RASAL2: variants seen among roughly 807,000 people sequenced by gnomAD.
RASAL2 encodes RAS protein activator like 2, also known as ras GTPase-activating protein nGAP.
RASAL2 carries 58 observed loss-of-function variants against 128.9 expected under a neutral mutation model. The ratio of observed to expected loss-of-function variants is 0.45; its 90% CI spans 0.36 to 0.56. The LOEUF (loss-of-function observed/expected upper bound fraction) is 0.56. RASAL2 is among the 20% of genes least tolerant of loss of function. RASAL2 has a pLI of 0.00. For synonymous variants in RASAL2, 561 were observed against 580.8 expected (o/e 0.97, Z 0.49); for missense variants, 1,360 against 1,601.6 (o/e 0.85, Z 2.57).
At chr1:178,405,978 A>G (rs1326712817) in intron 4 of RASAL2, among the ~76,000 whole-genome samples, 1 of 152,164 alleles carries the variant, frequency 6.6e-6, no homozygotes, top group Non-Finnish European at 1.5e-5. Context: ...ATTACTTCAT[A>G]TCTAGAGGAA....
intron 4 of RASAL2, among the ~76,000 whole-genome samples, chr1:178,391,375 G>A (rs1672897096): frequency 6.6e-6 from 1 of 152,108 alleles, no homozygotes; most frequent in Non-Finnish European, 1.5e-5. Flanking sequence ...GAAGATATGT[G>A]ATGTTTATAA....
At chr1:178,151,503 T>TA (rs1660914250) in intron 1 of RASAL2, among the ~76,000 whole-genome samples, 1 of 152,244 alleles carries the variant, frequency 6.6e-6, no homozygotes, top group African/African-American at 2.4e-5. Context: ...ACCAGAGGCT[T>TA]ACAGGAACCT....
intron 1 of RASAL2, among the ~76,000 whole-genome samples, chr1:178,173,963 C>T (rs1456515180): frequency 6.6e-6 from 1 of 151,520 alleles, no homozygotes; most frequent in Non-Finnish European, 1.5e-5. Context: ...TTCCCCCCTC[C>T]CCACTATTAG....
intron 1 of RASAL2, among the ~76,000 whole-genome samples, chr1:178,168,521 C>T (rs1034608602): frequency 6.6e-6 from 1 of 151,944 alleles, no homozygotes; most frequent in Admixed American, 6.6e-5. Context: ...TATGAGGGCA[C>T]TGCTGTTTTG....
chr1:178,310,105 G>A (rs1668169822), intron 3 of RASAL2, among the ~76,000 whole-genome samples: 1 of 152,126 alleles, frequency 6.6e-6, no homozygotes, highest in East Asian at 1.9e-4. Flanking sequence ...GACATTGTTA[G>A]AAATATCTAG....
rs147266072 is a variant in RASAL2 at position 178,191,819 on chromosome 1, A to G, written c.203-91745A>G. 2.0e-5 allele frequency among the ~76,000 whole-genome samples: 3 copies of G among 152,322 alleles called. No homozygotes were observed. In the East Asian group the frequency reaches 5.8e-4, roughly 29 times the overall value. On this transcript the variant is annotated intron_variant, in intron 1 of 17. Coordinates refer to ENST00000367649, the MANE Select transcript of RASAL2 (RefSeq NM_170692.4). ...TTTGTGGCACACAGACAATAAGTAA[A>G]TGTTTATTTAATGAATGAAATAAAA...
intron 1 of RASAL2, among the ~76,000 whole-genome samples, chr1:178,223,138 A>G (rs1312620099): frequency 6.6e-6 from 1 of 152,204 alleles, no homozygotes; most frequent in African/African-American, 2.4e-5. Flanking sequence ...TAATTAATTC[A>G]ACAAATATTT....
intron 3 of RASAL2, among the ~76,000 whole-genome samples, chr1:178,340,913 A>G (rs1455692784): frequency 1.3e-5 from 2 of 151,876 alleles, no homozygotes; most frequent in Non-Finnish European, 2.9e-5. Flanking sequence ...ACTTTTAAAA[A>G]ATGAAGTTCT....
At chr1:178,205,712 G>A (rs954078138) in intron 1 of RASAL2, among the ~76,000 whole-genome samples, 8 of 151,838 alleles carry the variant, frequency 5.3e-5, no homozygotes, top group Non-Finnish European at 1.2e-4. Flanking sequence ...AGCTGAGATC[G>A]CGCCACTGCA....
At chr1:178,450,623 CTGTTAT>C (rs1160906232) in intron 9 of RASAL2, among the ~76,000 whole-genome samples, 3 of 152,118 alleles carry the variant, frequency 2.0e-5, no homozygotes, top group African/African-American at 7.2e-5. Context: ...TTCATGAAGT[CTGTTAT>C]AACTAGCCTG....
Position 178,372,967 on chromosome 1 carries a change from TG to T in RASAL2, c.458-17132del, listed in dbSNP as rs1490271518. ...ATATCTTAAATGTGATAGAAGAGCT[TG>T]ATACTCATTTAAAAACCTATTTGTG... On this transcript the variant is annotated intron_variant, in intron 3 of 17. Transcript: ENST00000367649. Among the ~76,000 whole-genome samples the T allele has an allele frequency of 6.1e-4, 93 of 152,268 alleles. 1 individual carries two copies. Among genetic ancestry groups the T allele is most frequent in the Non-Finnish European group, 3.4e-4 (23 of 67,994 alleles).
chr1:178,116,594 A>G (rs1245680530), intron 1 of RASAL2, among the ~76,000 whole-genome samples: 1 of 151,922 alleles, frequency 6.6e-6, no homozygotes, highest in African/African-American at 2.4e-5. Context: ...AAGTTTCTTA[A>G]TAGATTGTTA....
chr1:178,192,321 A>G (rs1303829224), intron 1 of RASAL2, among the ~76,000 whole-genome samples: 3 of 152,236 alleles, frequency 2.0e-5, no homozygotes, highest in African/African-American at 7.2e-5. Context: ...CTTGGAGAGT[A>G]CAAAGAGAAA....
At chr1:178,431,763 A>G (rs890983136) in intron 5 of RASAL2, among the ~76,000 whole-genome samples, 1 of 151,896 alleles carries the variant, frequency 6.6e-6, no homozygotes, top group African/African-American at 2.4e-5. Context: ...GTAGGTTCCA[A>G]TATGGATAGA....
intron 3 of RASAL2, among the ~76,000 whole-genome samples, chr1:178,384,895 ATAGT>A (rs1455185668): frequency 6.6e-6 from 1 of 152,116 alleles, no homozygotes; most frequent in Non-Finnish European, 1.5e-5. Flanking sequence ...GTTATTTATA[ATAGT>A]TAAGTATATG....
chr1:178,161,886 A>C (rs1661312820), intron 1 of RASAL2, among the ~76,000 whole-genome samples: 1 of 152,032 alleles, frequency 6.6e-6, no homozygotes, highest in Non-Finnish European at 1.5e-5. Flanking sequence ...TCTTTGAAGA[A>C]ATGTCTATTC....
At chr1:178,250,545 G>A (rs746556059) in intron 1 of RASAL2, among the ~76,000 whole-genome samples, 1 of 152,160 alleles carries the variant, frequency 6.6e-6, no homozygotes, top group Non-Finnish European at 1.5e-5. Context: ...GAGACCACTT[G>A]GCTCCCTGGC....
intron 17 of RASAL2, among the ~76,000 whole-genome samples, chr1:178,471,112 A>T (rs1463960456): frequency 2.0e-5 from 3 of 152,180 alleles, no homozygotes; most frequent in Non-Finnish European, 4.4e-5. Flanking sequence ...CCCTTTAAAA[A>T]TCAAATTTTT....
chr1:178,164,645 A>G (rs1169158657), intron 1 of RASAL2, among the ~76,000 whole-genome samples: 1 of 152,080 alleles, frequency 6.6e-6, no homozygotes, highest in Non-Finnish European at 1.5e-5. Context: ...TAAAGAAGGC[A>G]GAAATATATA....
Sources: gnomAD v4.1 joint callset for allele counts (sites outside exome capture counted in the v4.1 genomes callset) on GRCh38, gnomAD v4.1.1 for gene constraint, MANE v1.5 for transcripts, NCBI Gene and HGNC (gene_info 2026-07-23, HGNC 2026-07-21) for gene names.